Variants in RTRAF observed in about 807,000 individuals in gnomAD.
The protein encoded by RTRAF is RNA transcription, translation and transport factor, also known as tRNA-splicing ligase complex subunit RTRAF.
A neutral mutation model predicts 34.4 loss-of-function variants in RTRAF; 14 were observed. That is an observed-to-expected ratio of 0.41 (90% CI 0.27 to 0.64). The LOEUF (loss-of-function observed/expected upper bound fraction) is 0.64, where lower values mean the gene tolerates loss of function less well. Among genes scored for constraint, RTRAF ranks in the 30% least tolerant of loss-of-function variants. The pLI is 0.34. For missense variants in RTRAF, 291 were observed against 288.4 expected (o/e 1.01, Z -0.06); for synonymous variants, 96 against 95.3 (o/e 1.01, Z -0.04).
At chr14:51,990,121 C>T (rs1890405081) in intron 1 of RTRAF, among the ~76,000 whole-genome samples, 1 of 152,068 alleles carries the variant, frequency 6.6e-6, no homozygotes, top group African/African-American at 2.4e-5. Flanking sequence ...TCACTGCCTG[C>T]CAGGAGCTAA....
At chr14:52,004,025 G>T in intron 6 of RTRAF, 169 bp from the exon 7 acceptor site, 1 of 636,506 alleles carries the variant, frequency 1.6e-6, no homozygotes, top group Non-Finnish European at 2.8e-6. Context: ...GGGAAAACTC[G>T]CTAATCACAA....
chr14:51,993,876 AGT>A, intron 3 of RTRAF, 54 bp downstream of exon 3: 1 of 1,122,648 alleles, frequency 8.9e-7, no homozygotes, highest in South Asian at 1.4e-5. Flanking sequence ...TGGGAAAGGG[AGT>A]GTGAAAATGT....
At chr14:51,999,682 TTTTG>T (rs766726865) in intron 4 of RTRAF, 22 bp from the exon 5 acceptor site, 12 of 1,510,612 alleles carry the variant, frequency 7.9e-6, no homozygotes, top group Middle Eastern at 1.7e-4. Flanking sequence ...GGTTGTAAGT[TTTTG>T]TTTGTTTTTA....
chr14:51,993,961 T>G (rs1290675132), intron 3 of RTRAF, 139 bp downstream of exon 3: 1 of 540,334 alleles, frequency 1.9e-6, no homozygotes, highest in Non-Finnish European at 3.2e-6. Context: ...TTAAAAGCAC[T>G]TTTATTGTCT....
chr14:51,995,664 A>G (rs1232448664), intron 3 of RTRAF, among the ~76,000 whole-genome samples: 1 of 152,130 alleles, frequency 6.6e-6, no homozygotes, highest in Non-Finnish European at 1.5e-5. Flanking sequence ...TGTGTGGCGA[A>G]TGCAGTATAT....
At chr14:52,001,769 A>C (rs1250032355) in intron 5 of RTRAF, 29 bp from the exon 6 acceptor site, 54 of 1,601,296 alleles carry the variant, frequency 3.4e-5, no homozygotes, top group Non-Finnish European at 4.6e-5. Context: ...ACAGCCTATA[A>C]AAAGTAAAAA....
Position 51,999,594 on chromosome 14 carries a change from C to CT in RTRAF, c.374-113dup, listed in dbSNP as rs1890570777. ...CTCTTGTGAGTAGCAGTTTTAAAAACTAAGAGATTTGTTGCTACCGAAAAG... is the reference window on the plus strand; with the variant it reads ...CTCTTGTGAGTAGCAGTTTTAAAAACTTAAGAGATTTGTTGCTACCGAAAAG... On this transcript the variant is annotated intron_variant, in intron 4 of 7. Coordinates refer to ENST00000261700, the MANE Select transcript of RTRAF (RefSeq NM_016039.3). The CT allele has an allele frequency of 4.8e-6, 3 of 628,542 alleles. No homozygotes were observed. The South Asian group carries it at 7.2e-5, about 15-fold the overall frequency. The allele number at this position is 628,542 out of a possible 1,614,324, so 38.9% of individuals were successfully genotyped here. A position where few individuals can be genotyped will look rare whatever the true frequency, so the allele number is the denominator to read the frequency against.
Position 52,006,546 on chromosome 14 carries a change from T to C in RTRAF, c.*2030T>C. On this transcript the variant is annotated 3_prime_UTR_variant, in exon 8 of 8. Transcript: ENST00000261700. ...AATTTGTGGGGCTCACCTCCTCCAG[T>C]CTGTGTGGTAGAAGTGATCTGCATA... 1 of 1,613,666 alleles carries C rather than the reference T, an allele frequency of 6.2e-7. No homozygotes were observed. The highest frequency in any genetic ancestry group is 1.7e-4 in the Middle Eastern group (1 of 6,058).
chr14:52,006,535 ACCT>A lies in RTRAF; in HGVS notation c.*2025_*2027del. The A allele has an allele frequency of 6.2e-7, 1 of 1,613,332 alleles. No homozygotes were observed. The highest frequency in any genetic ancestry group is 8.5e-7 in the Non-Finnish European group (1 of 1,179,494). On this transcript the variant is annotated 3_prime_UTR_variant, in exon 8 of 8. Transcript: ENST00000261700. ...GGCTTGTCCAGAATTTGTGGGGCTC[ACCT>A]CCTCCAGTCTGTGTGGTAGAAGTGA...
chr14:52,005,300 T>TG lies in RTRAF; in HGVS notation c.*784_*785insG, dbSNP rs1468135434. ...CAATAACAACCTTCATTTTTAAAAA[T>TG]ACAGTAGTAAAGATTGAGGTATCAG... On this transcript the variant is annotated 3_prime_UTR_variant, in exon 8 of 8. Coordinates refer to ENST00000261700, the MANE Select transcript of RTRAF (RefSeq NM_016039.3). 2.3e-6 allele frequency: 1 copy of TG among 433,432 alleles called. No homozygotes were observed. The highest frequency in any genetic ancestry group is 4.0e-6 in the Non-Finnish European group (1 of 251,230). 26.8% of individuals were successfully genotyped at this position (433,432 alleles called of 1,614,324 possible).
At chr14:52,002,774 C>G (rs1366503585) in intron 6 of RTRAF, among the ~76,000 whole-genome samples, 1 of 152,200 alleles carries the variant, frequency 6.6e-6, no homozygotes, top group East Asian at 1.9e-4. Flanking sequence ...GCGCCCTTCC[C>G]CCATCTCCCA....
In RTRAF at chr14:51,998,474, AT is replaced by A; in HGVS notation, c.287-15del. On this transcript the variant is annotated intron_variant, in intron 3 of 7. Coordinates refer to ENST00000261700, the MANE Select transcript of RTRAF (RefSeq NM_016039.3). The stretch of plus-strand genomic sequence containing the variant: ...CTTGAGTTGCAGTTGTACAAATTAT[AT>A]TTTTGCCTGTTTTTATAGCTGAAAA... 1.4e-6 allele frequency: 2 copies of A among 1,452,398 alleles called. No individual in the cohort carries two copies. Among genetic ancestry groups the A allele is most frequent in the Non-Finnish European group, 9.4e-7 (1 of 1,064,636 alleles). 90.0% of individuals were successfully genotyped at this position (1,452,398 alleles called of 1,614,324 possible).
chr14:51,990,219 A>C (rs1890407715), intron 1 of RTRAF, among the ~76,000 whole-genome samples: 1 of 152,244 alleles, frequency 6.6e-6, no homozygotes, highest in Admixed American at 6.5e-5. Context: ...TGGGAGGGTA[A>C]GCGCGTGTAG....
At chr14:51,994,812 C>T (rs1283735495) in intron 3 of RTRAF, among the ~76,000 whole-genome samples, 1 of 152,150 alleles carries the variant, frequency 6.6e-6, no homozygotes, top group Non-Finnish European at 1.5e-5. Context: ...GATATCCAAC[C>T]TGTATTCACA....
chr14:52,007,636 A>G lies in RTRAF; in HGVS notation c.*3120A>G. 1 of 650,328 alleles carries G rather than the reference A, an allele frequency of 1.5e-6. No individual in the cohort carries two copies. Among genetic ancestry groups the G allele is most frequent in the Non-Finnish European group, 2.7e-6 (1 of 375,106 alleles). The allele number at this position is 650,328 out of a possible 1,614,324, so 40.3% of individuals were successfully genotyped here. ...ATATCCTTCCCTCCACCCAAACCCC[A>G]GAAAGTTCATTTTAAGACTCATTTA... On this transcript the variant is annotated 3_prime_UTR_variant, in exon 8 of 8. Transcript: ENST00000261700.
rs1255512189 is a variant in RTRAF, at chr14:52,010,534, C to T, written c.*6018C>T. 5 of 180,374 alleles carry T rather than the reference C, an allele frequency of 2.8e-5. No homozygotes were observed. The highest frequency in any genetic ancestry group is 9.4e-5 in the African/African-American group (4 of 42,690). The allele number at this position is 180,374 out of a possible 1,614,324, so 11.2% of individuals were successfully genotyped here. On this transcript the variant is annotated 3_prime_UTR_variant, in exon 8 of 8. Coordinates refer to ENST00000261700, the MANE Select transcript of RTRAF (RefSeq NM_016039.3). ...GTGCTGCTGGAGGAATCCCACTTCA[C>T]TTCCAGTTTAAGTGTCAGCTGAGGC...
intron 6 of RTRAF, among the ~76,000 whole-genome samples, chr14:52,002,539 A>G (rs1470444525): frequency 6.6e-6 from 1 of 152,236 alleles, no homozygotes; most frequent in Non-Finnish European, 1.5e-5. Flanking sequence ...CCTACCTTGT[A>G]GGCTGAGAAA....
rs944872621 is a variant in RTRAF, at chr14:52,008,521, T to C, written c.*4005T>C. The C allele has an allele frequency of 2.0e-5, 3 of 152,304 alleles. No homozygotes were observed. The highest frequency in any genetic ancestry group is 4.4e-5 in the Non-Finnish European group (3 of 68,118). The allele number at this position is 152,304 out of a possible 1,614,324, so 9.4% of individuals were successfully genotyped here. On this transcript the variant is annotated 3_prime_UTR_variant, in exon 8 of 8. Transcript: ENST00000261700. ...ACTGCTGAGGGTTTGGGCAATTTCT[T>C]ACACAGCAGTAGGTAACTAATACAC...
Position 51,993,818 on chromosome 14 carries a change from T to C in RTRAF, c.282T>C (p.Asp94=). The C allele has an allele frequency of 6.5e-7, 1 of 1,549,366 alleles. No homozygotes were observed. Among genetic ancestry groups the C allele is most frequent in the Non-Finnish European group, 8.8e-7 (1 of 1,133,428 alleles). Reference sequence around the variant, plus strand: ...TAGCTGTTAGACTTGAATATGGAGATAATGGTACGTTTTGTGGGGAATGTG... The same window carrying C: ...TAGCTGTTAGACTTGAATATGGAGACAATGGTACGTTTTGTGGGGAATGTG... ...LGLAVRLEYG[D]NAEKYKDLVP... Residue 94 remains aspartate, a synonymous_variant, in exon 3 of 8, where the codon GAT becomes GAC. Coordinates refer to ENST00000261700, the MANE Select transcript of RTRAF (RefSeq NM_016039.3).
Sources: gnomAD v4.1 joint callset for allele counts (sites outside exome capture counted in the v4.1 genomes callset) on GRCh38, gnomAD v4.1.1 for gene constraint, MANE v1.5 for transcripts, NCBI Gene and HGNC (gene_info 2026-07-23, HGNC 2026-07-21) for gene names.